The following NXPH3 variants were observed in gnomAD, a reference collection of about 807,000 sequenced individuals.
NXPH3 encodes the protein neurexophilin-3.
A neutral mutation model predicts 18.8 loss-of-function variants in NXPH3; 7 were observed. That is an observed-to-expected ratio of 0.37 (90% CI 0.21 to 0.70). The LOEUF is 0.70. Ranked by LOEUF, NXPH3 falls within the 30% of genes least tolerant of loss-of-function variation. The pLI, the probability that NXPH3 is intolerant of heterozygous loss-of-function variation, is 0.53. For synonymous variants in NXPH3, 101 were observed against 137.3 expected, an observed-to-expected ratio of 0.74 and a Z score of 1.85; for missense variants, 282 against 338.1, an observed-to-expected ratio of 0.83 and a Z score of 1.30.
rs1026267191 is a variant in NXPH3 at position 49,579,397 on chromosome 17, C to T, written c.*97C>T. On this transcript the variant is annotated 3_prime_UTR_variant, in exon 2 of 2. Coordinates refer to ENST00000328741, the MANE Select transcript of NXPH3 (RefSeq NM_007225.4). This position sits in a 1 kb window ranked among gnomAD's most constrained non-coding sequence, Gnocchi z 6.0. ...ACCGGGCAGGGAAGGGGTTGGGCCT[C>T]AGGCAGGGAGGGGGGTGGAGACGAG... The T allele has an allele frequency of 1.3e-5, 14 of 1,100,786 alleles. No individual in the cohort carries two copies. Among genetic ancestry groups the T allele is most frequent in the South Asian group, 6.1e-5 (4 of 65,656 alleles). 68.2% of individuals were successfully genotyped at this position (1,100,786 alleles called of 1,614,324 possible).
In NXPH3 at chr17:49,582,131, T is replaced by G. The variant is rs748550681; in HGVS notation, c.*2831T>G. The G allele has an allele frequency of 4.0e-6, 2 of 499,806 alleles. No individual in the cohort carries two copies. The highest frequency in any genetic ancestry group is 7.0e-6 in the Non-Finnish European group (2 of 286,208). The allele number at this position is 499,806 out of a possible 1,614,324, so 31.0% of individuals were successfully genotyped here. A position where few individuals can be genotyped will look rare whatever the true frequency, so the allele number is the denominator to read the frequency against. ...ACAAGGGCAAGGGGTCCATCCAACT[T>G]CCTCTGGCTAAGAAGACGTCACCTC... is the stretch of plus-strand genomic sequence containing the variant. On this transcript the variant is annotated 3_prime_UTR_variant, in exon 2 of 2. Coordinates refer to ENST00000328741, the MANE Select transcript of NXPH3 (RefSeq NM_007225.4).
chr17:49,576,065 G>T lies in NXPH3; in HGVS notation c.-155G>T. 1 of 779,018 alleles carries T rather than the reference G, an allele frequency of 1.3e-6. No individual in the cohort carries two copies. The allele number at this position is 779,018 out of a possible 1,614,324, so 48.3% of individuals were successfully genotyped here. A position where few individuals can be genotyped will look rare whatever the true frequency, so the allele number is the denominator to read the frequency against. ...CGGCTGCACAGCTGGACCGAAGGGG[G>T]CGGGGTCGGCCCTGGGCGACCCGCT... On this transcript the variant is annotated 5_prime_UTR_variant, in exon 1 of 2. Transcript: ENST00000328741.
Position 49,581,568 on chromosome 17 carries a change from C to G in NXPH3, c.*2268C>G. The G allele has an allele frequency of 1.5e-6, 1 of 687,224 alleles. No homozygotes were observed. The highest frequency in any genetic ancestry group is 1.5e-5 in the South Asian group (1 of 65,288). The allele number at this position is 687,224 out of a possible 1,614,324, so 42.6% of individuals were successfully genotyped here. A position where few individuals can be genotyped will look rare whatever the true frequency, so the allele number is the denominator to read the frequency against. On this transcript the variant is annotated 3_prime_UTR_variant, in exon 2 of 2. Coordinates refer to ENST00000328741, the MANE Select transcript of NXPH3 (RefSeq NM_007225.4). ...TCCCCCACATCATGCTTCCAGGGGC[C>G]GTCTCTCCTGAGTGGAGATGTGAGA...
rs918905650 is a variant in NXPH3, at chr17:49,579,390, TG to T, written c.*93del. 2.0e-5 allele frequency: 24 copies of T among 1,180,142 alleles called. No homozygotes were observed. The African/African-American group carries it at 2.9e-4, about 14-fold the overall frequency. The allele number at this position is 1,180,142 out of a possible 1,614,324, so 73.1% of individuals were successfully genotyped here. On this transcript the variant is annotated 3_prime_UTR_variant, in exon 2 of 2. Transcript: ENST00000328741. This position sits in a 1 kb window ranked among gnomAD's most constrained non-coding sequence, Gnocchi z 6.0. Reference sequence around the variant, plus strand: ...TCTGGACACCGGGCAGGGAAGGGGTTGGGCCTCAGGCAGGGAGGGGGGTGGA... The same window carrying T: ...TCTGGACACCGGGCAGGGAAGGGGTTGGCCTCAGGCAGGGAGGGGGGTGGA...
chr17:49,578,719 A>G lies in NXPH3; in HGVS notation c.178A>G (p.Met60Val), dbSNP rs770357193. The G allele has an allele frequency of 6.2e-7, 1 of 1,613,210 alleles. No homozygotes were observed. The highest frequency in any genetic ancestry group is 1.3e-5 in the African/African-American group (1 of 74,908). ...RGHISPKSRP[M>V]ANSTLLGLLA... ...CCACATCTCACCTAAGTCCCGCCCC[A>G]TGGCCAATTCCACTCTCCTAGGGCT... is the stretch of plus-strand genomic sequence containing the variant. The change falls in exon 2 of 2, where the codon ATG (methionine) becomes GTG (valine). Residue 60 changes from methionine to valine, a missense_variant. Coordinates refer to ENST00000328741, the MANE Select transcript of NXPH3 (RefSeq NM_007225.4). This position sits in a 1 kb window ranked among gnomAD's most constrained non-coding sequence, Gnocchi z 4.5.
rs1049841084 is a variant in NXPH3, at chr17:49,583,015, T to A, written c.*3715T>A. 6.6e-6 allele frequency: 1 copy of A among 152,334 alleles called. No homozygotes were observed. Among genetic ancestry groups the A allele is most frequent in the Middle Eastern group, 3.4e-3 (1 of 296 alleles). The allele number at this position is 152,334 out of a possible 1,614,324, so 9.4% of individuals were successfully genotyped here. On this transcript the variant is annotated 3_prime_UTR_variant, in exon 2 of 2. Coordinates refer to ENST00000328741, the MANE Select transcript of NXPH3 (RefSeq NM_007225.4). ...ATCCTTGGCAGGAATGCTGGTGACC[T>A]TGCATTGTGGCAGATTCAGGTGGCG...
At chr17:49,576,357 C>T in intron 1 of NXPH3, 84 bp downstream of exon 1, 1 of 1,439,860 alleles carries the variant, frequency 6.9e-7, no homozygotes, top group Non-Finnish European at 9.5e-7. Flanking sequence ...AGCCCTGAAA[C>T]TTTCTCCCTT....
rs930894676 is a variant in NXPH3, at chr17:49,578,397, G to C, written c.55-199G>C. Among the ~76,000 whole-genome samples, 2 of 150,054 alleles carry C rather than the reference G, an allele frequency of 1.3e-5. No individual in the cohort carries two copies. The highest frequency in any genetic ancestry group is 2.1e-4 in the South Asian group (1 of 4,782). ...CAAGACAGTGAGGAAAGGACAATGG[G>C]GGGGGGGGTGACCCAACTGTCAGAA... On this transcript the variant is annotated intron_variant, in intron 1 of 1. Transcript: ENST00000328741. The surrounding 1 kb of genome is among the most constrained non-coding windows in gnomAD (Gnocchi z 4.5).
chr17:49,579,717 T>TG lies in NXPH3; in HGVS notation c.*419dup, dbSNP rs1290110640. ...CAGGGAGGGGGAGATTTCATCAGTG[T>TG]GGACAGCCTGTCAACTTAGGATGGA... On this transcript the variant is annotated 3_prime_UTR_variant, in exon 2 of 2. Coordinates refer to ENST00000328741, the MANE Select transcript of NXPH3 (RefSeq NM_007225.4). This position sits in a 1 kb window ranked among gnomAD's most constrained non-coding sequence, Gnocchi z 6.0. 5.3e-6 allele frequency: 1 copy of TG among 190,266 alleles called. No individual in the cohort carries two copies. Among genetic ancestry groups the TG allele is most frequent in the Non-Finnish European group, 1.1e-5 (1 of 91,406 alleles). The allele number at this position is 190,266 out of a possible 1,614,324, so 11.8% of individuals were successfully genotyped here. A position where few individuals can be genotyped will look rare whatever the true frequency, so the allele number is the denominator to read the frequency against.
rs1396993874 is a variant in NXPH3 at position 49,578,543 on chromosome 17, G to A, written c.55-53G>A. 2 of 1,396,136 alleles carry A rather than the reference G, an allele frequency of 1.4e-6. No homozygotes were observed. The highest frequency in any genetic ancestry group is 2.3e-5 in the Admixed American group (1 of 44,284). The allele number at this position is 1,396,136 out of a possible 1,614,324, so 86.5% of individuals were successfully genotyped here. On this transcript the variant is annotated intron_variant, in intron 1 of 1. Transcript: ENST00000328741. This position sits in a 1 kb window ranked among gnomAD's most constrained non-coding sequence, Gnocchi z 4.5. ...GACAGGGGTACTGCTGGTAGCGGGGGTGGTGGACCTCCAGGGACAGGGCTC... is the reference window on the plus strand; with the variant it reads ...GACAGGGGTACTGCTGGTAGCGGGGATGGTGGACCTCCAGGGACAGGGCTC...
chr17:49,579,499 G>A lies in NXPH3; in HGVS notation c.*199G>A. ...CAAGTGCTGGTCCCAACCTGAAGCT[G>A]TGGAGTGACTAGATCACAGGAGCAC... On this transcript the variant is annotated 3_prime_UTR_variant, in exon 2 of 2. Coordinates refer to ENST00000328741, the MANE Select transcript of NXPH3 (RefSeq NM_007225.4). The surrounding 1 kb of genome is among the most constrained non-coding windows in gnomAD (Gnocchi z 6.0). The A allele has an allele frequency of 1.7e-6, 1 of 595,064 alleles. No homozygotes were observed. The highest frequency in any genetic ancestry group is 2.1e-5 in the South Asian group (1 of 48,486). The allele number at this position is 595,064 out of a possible 1,614,324, so 36.9% of individuals were successfully genotyped here.
rs920246301 is a variant in NXPH3, at chr17:49,581,400, G to A, written c.*2100G>A. 2 of 595,728 alleles carry A rather than the reference G, an allele frequency of 3.4e-6. No individual in the cohort carries two copies. Among genetic ancestry groups the A allele is most frequent in the Non-Finnish European group, 6.0e-6 (2 of 334,780 alleles). The allele number at this position is 595,728 out of a possible 1,614,324, so 36.9% of individuals were successfully genotyped here. A position where few individuals can be genotyped will look rare whatever the true frequency, so the allele number is the denominator to read the frequency against. On this transcript the variant is annotated 3_prime_UTR_variant, in exon 2 of 2. Transcript: ENST00000328741. Reference sequence around the variant, plus strand: ...GAGGAGAGTCCTGGCAGTAAGGTAAGATGGGCTTGCCACCCCCCACCTTTC... The same window carrying A: ...GAGGAGAGTCCTGGCAGTAAGGTAAAATGGGCTTGCCACCCCCCACCTTTC...
chr17:49,583,159 G>A lies in NXPH3; in HGVS notation c.*3859G>A, dbSNP rs970809715. On this transcript the variant is annotated 3_prime_UTR_variant, in exon 2 of 2. Coordinates refer to ENST00000328741, the MANE Select transcript of NXPH3 (RefSeq NM_007225.4). The stretch of plus-strand genomic sequence containing the variant: ...TGACCAGGTGCTGGGATCATCGAGT[G>A]AGTATGTGCAGGAGGGATTGTAGAG... 6.6e-6 allele frequency: 1 copy of A among 152,522 alleles called. No homozygotes were observed. Among genetic ancestry groups the A allele is most frequent in the Non-Finnish European group, 1.5e-5 (1 of 68,172 alleles). 9.4% of individuals were successfully genotyped at this position (152,522 alleles called of 1,614,324 possible).
At position 49,579,458 on chromosome 17, in the gene NXPH3, G is replaced by A. The variant is rs527928911; in HGVS notation, c.*158G>A. The A allele has an allele frequency of 6.8e-5, 44 of 643,826 alleles. No individual in the cohort carries two copies. The African/African-American group carries it at 6.9e-4, about 10-fold the overall frequency. The allele number at this position is 643,826 out of a possible 1,614,324, so 39.9% of individuals were successfully genotyped here. ...GTGGGGCCAGGGCCAAGTCTCAAGTGGCAGAGAAAGGGTCCCAAGTGCTGG... is the reference window on the plus strand; with the variant it reads ...GTGGGGCCAGGGCCAAGTCTCAAGTAGCAGAGAAAGGGTCCCAAGTGCTGG... On this transcript the variant is annotated 3_prime_UTR_variant, in exon 2 of 2. Transcript: ENST00000328741. This position sits in a 1 kb window ranked among gnomAD's most constrained non-coding sequence, Gnocchi z 6.0.
In NXPH3 at chr17:49,582,016, T is replaced by C; in HGVS notation, c.*2716T>C. 1.7e-6 allele frequency: 1 copy of C among 592,114 alleles called. No individual in the cohort carries two copies. The highest frequency in any genetic ancestry group is 3.0e-6 in the Non-Finnish European group (1 of 333,648). The allele number at this position is 592,114 out of a possible 1,614,324, so 36.7% of individuals were successfully genotyped here. ...CTGCTCTCCTCAGCTAGGACTTCGC[T>C]AACAGATTTCCTCCCAAACCTTAAT... On this transcript the variant is annotated 3_prime_UTR_variant, in exon 2 of 2. Coordinates refer to ENST00000328741, the MANE Select transcript of NXPH3 (RefSeq NM_007225.4).
chr17:49,581,795 G>A lies in NXPH3; in HGVS notation c.*2495G>A. 1 of 701,826 alleles carries A rather than the reference G, an allele frequency of 1.4e-6. No individual in the cohort carries two copies. Among genetic ancestry groups the A allele is most frequent in the Non-Finnish European group, 2.6e-6 (1 of 384,652 alleles). 43.5% of individuals were successfully genotyped at this position (701,826 alleles called of 1,614,324 possible). A position where few individuals can be genotyped will look rare whatever the true frequency, so the allele number is the denominator to read the frequency against. ...ACCTCCCCTGGCTGAACTCTCAGCA[G>A]GCACTGGGGGCACTTTGACCCCCCT... On this transcript the variant is annotated 3_prime_UTR_variant, in exon 2 of 2. Transcript: ENST00000328741.
At chr17:49,576,365 C>T in intron 1 of NXPH3, 92 bp downstream of exon 1, 2 of 1,386,048 alleles carry the variant, frequency 1.4e-6, no homozygotes, top group Non-Finnish European at 2.0e-6. Context: ...AACTTTCTCC[C>T]TTCCCCCGAC....
In NXPH3 at chr17:49,582,274, T is replaced by TC. The variant is rs57899219; in HGVS notation, c.*2978dup. 2,998 of 212,488 alleles carry TC rather than the reference T, an allele frequency of 0.014. 47 individuals carry two copies. The highest frequency in any genetic ancestry group is 0.041 in the African/African-American group (1,757 of 43,352). 13.2% of individuals were successfully genotyped at this position (212,488 alleles called of 1,614,324 possible). A position where few individuals can be genotyped will look rare whatever the true frequency, so the allele number is the denominator to read the frequency against. The stretch of plus-strand genomic sequence containing the variant: ...CAGGAGATTCCTCTGAAGAAACCTG[T>TC]CCCCACTCTGCCCAGACCCCAAAGG... On this transcript the variant is annotated 3_prime_UTR_variant, in exon 2 of 2. Transcript: ENST00000328741.
At chr17:49,576,486 C>T (rs2071571881) in intron 1 of NXPH3, among the ~76,000 whole-genome samples, 1 of 151,960 alleles carries the variant, frequency 6.6e-6, no homozygotes, top group African/African-American at 2.4e-5. Context: ...GGCTGGCCCA[C>T]CCACTCCGCA....
Sources: allele counts gnomAD v4.1 joint callset (sites outside exome capture counted in the v4.1 genomes callset), GRCh38; gene constraint gnomAD v4.1.1; non-coding constraint Gnocchi (gnomAD v3.1); transcripts MANE v1.5; gene names NCBI Gene and HGNC (gene_info 2026-07-23, HGNC 2026-07-21).